Variants in CCDC117 observed in about 807,000 individuals in gnomAD.
CCDC117 encodes the protein coiled-coil domain-containing protein 117.
In CCDC117, 1 loss-of-function variant was observed where a neutral mutation model predicts 23.5. The observed-to-expected ratio is 0.04, with a 90% CI of 0.02 to 0.20. The LOEUF is 0.20. Among genes scored for constraint, CCDC117 ranks in the 10% least tolerant of loss-of-function variants. CCDC117 has a pLI of 1.00. For missense variants in CCDC117, 383 were observed against 348.2 expected (o/e 1.10, Z -0.80); for synonymous variants, 132 against 124.8 (o/e 1.06, Z -0.39).
chr22:28,773,514 AT>A (rs1443569279), intron 1 of CCDC117: 1 of 589,138 alleles, frequency 1.7e-6, no homozygotes, highest in Non-Finnish European at 3.1e-6. Flanking sequence ...CATTACGTTG[AT>A]AAAAGGACAA....
rs1222 is a variant in CCDC117, at chr22:28,789,125, A to C, written c.*2799A>C. ...TGGAACCATAAGAAGAATGTTTATC[A>C]GCACGTTCATTTATTATTTTGGATT... On this transcript the variant is annotated 3_prime_UTR_variant, in exon 5 of 5. Coordinates refer to ENST00000249064, the MANE Select transcript of CCDC117 (RefSeq NM_173510.4). The C allele has an allele frequency of 0.12, 18,158 of 152,274 alleles. 1,191 individuals carry two copies. The highest frequency in any genetic ancestry group is 0.28 in the South Asian group (1,342 of 4,818). 9.4% of individuals were successfully genotyped at this position (152,274 alleles called of 1,614,324 possible).
chr22:28,782,627 TG>T (rs1324457626), intron 3 of CCDC117, among the ~76,000 whole-genome samples: 1 of 151,988 alleles, frequency 6.6e-6, no homozygotes, highest in Non-Finnish European at 1.5e-5. Flanking sequence ...TTAGTAAAGA[TG>T]GGGTTTCACC....
At chr22:28,778,100 C>G (rs1437114964) in intron 2 of CCDC117, among the ~76,000 whole-genome samples, 1 of 151,994 alleles carries the variant, frequency 6.6e-6, no homozygotes, top group Non-Finnish European at 1.5e-5. Flanking sequence ...CCGCCTCGGC[C>G]TCCCAAAGTG....
chr22:28,772,751 C>CG lies in CCDC117; in HGVS notation c.-98dup. The stretch of plus-strand genomic sequence containing the variant: ...GTGACGTGGGGTCGAGAGCGGGATC[C>CG]GAGGCTGGCGGGTTTTGGCAGTAGC... On this transcript the variant is annotated 5_prime_UTR_variant, in exon 1 of 5. Transcript: ENST00000249064. 1.0e-6 allele frequency: 1 copy of CG among 982,346 alleles called. No individual in the cohort carries two copies. The highest frequency in any genetic ancestry group is 1.7e-5 in the African/African-American group (1 of 58,892). 60.9% of individuals were successfully genotyped at this position (982,346 alleles called of 1,614,324 possible).
intron 2 of CCDC117, among the ~76,000 whole-genome samples, chr22:28,778,288 C>A (rs2031226786): frequency 6.6e-6 from 1 of 151,896 alleles, no homozygotes; most frequent in African/African-American, 2.4e-5. Flanking sequence ...ATTCATAAAA[C>A]ATTAAATTTG....
chr22:28,780,361 A>G (rs138788496), intron 2 of CCDC117, among the ~76,000 whole-genome samples: 20 of 152,274 alleles, frequency 1.3e-4, no homozygotes, highest in Middle Eastern at 3.4e-3. Context: ...ACCTCATGAG[A>G]CATGTTTTTG....
At chr22:28,784,255 A>G (rs1273459686) in intron 4 of CCDC117, among the ~76,000 whole-genome samples, 1 of 152,202 alleles carries the variant, frequency 6.6e-6, no homozygotes, top group Non-Finnish European at 1.5e-5. Context: ...CTGTGACTAC[A>G]CTGTGAGGAC....
At chr22:28,784,771 T>G (rs375348942) in intron 4 of CCDC117, among the ~76,000 whole-genome samples, 59 of 152,044 alleles carry the variant, frequency 3.9e-4, no homozygotes, top group Non-Finnish European at 2.9e-4. Flanking sequence ...TCTCGTTTTT[T>G]TTGTTGTTGT....
At position 28,788,176 on chromosome 22, in the gene CCDC117, G is replaced by A. The variant is rs551079454; in HGVS notation, c.*1850G>A. 3 of 152,732 alleles carry A rather than the reference G, an allele frequency of 2.0e-5. No homozygotes were observed. The highest frequency in any genetic ancestry group is 4.1e-4 in the South Asian group (2 of 4,824). The allele number at this position is 152,732 out of a possible 1,614,324, so 9.5% of individuals were successfully genotyped here. A position where few individuals can be genotyped will look rare whatever the true frequency, so the allele number is the denominator to read the frequency against. ...TAATAGTTTCTTAATCTCAGATTTC[G>A]AGATGAATGTAAACTGTATTCTTTT... On this transcript the variant is annotated 3_prime_UTR_variant, in exon 5 of 5. Coordinates refer to ENST00000249064, the MANE Select transcript of CCDC117 (RefSeq NM_173510.4).
intron 4 of CCDC117, among the ~76,000 whole-genome samples, chr22:28,785,179 T>TGTTTG (rs72153005): frequency 6.6e-6 from 1 of 151,504 alleles, no homozygotes; most frequent in East Asian, 1.9e-4. Context: ...CCATGAAGCT[T>TGTTTG]GTTTTGTTTT....
chr22:28,786,063 A>T, intron 4 of CCDC117, 26 bp from the exon 5 acceptor site: 1 of 1,547,788 alleles, frequency 6.5e-7, no homozygotes, highest in Non-Finnish European at 8.7e-7. Flanking sequence ...AAATTTTTTG[A>T]TAAAAGTCTG....
At chr22:28,783,404 A>C in intron 3 of CCDC117, 104 bp from the exon 4 acceptor site, 6 of 1,118,944 alleles carry the variant, frequency 5.4e-6, no homozygotes, top group Non-Finnish European at 7.6e-6. Flanking sequence ...TGTATTACTT[A>C]CTGCTTTTAT....
chr22:28,777,939 T>G lies in CCDC117; in HGVS notation c.240-3009T>G, dbSNP rs1007896046. 1.4e-4 allele frequency among the ~76,000 whole-genome samples: 21 copies of G among 151,886 alleles called. No homozygotes were observed. The East Asian group carries it at 4.1e-3, about 29-fold the overall frequency. ...GATCAGGGTTCACTGCAACCTCTGC[T>G]TCCTGGGTTCAAGCAATTCTCTCAG... On this transcript the variant is annotated intron_variant, in intron 2 of 4. Coordinates refer to ENST00000249064, the MANE Select transcript of CCDC117 (RefSeq NM_173510.4).
At chr22:28,779,163 A>G (rs1569198138) in intron 2 of CCDC117, among the ~76,000 whole-genome samples, 1 of 151,804 alleles carries the variant, frequency 6.6e-6, no homozygotes, top group Non-Finnish European at 1.5e-5. Flanking sequence ...TTGTAAGTAT[A>G]ACTATTTTCT....
chr22:28,778,092 G>A (rs1376716983), intron 2 of CCDC117, among the ~76,000 whole-genome samples: 3 of 151,784 alleles, frequency 2.0e-5, no homozygotes, highest in Non-Finnish European at 2.9e-5. Flanking sequence ...TGATCCGCCC[G>A]CCTCGGCCTC....
chr22:28,773,096 C>T (rs2031044036), intron 1 of CCDC117, 62 bp downstream of exon 1: 10 of 889,754 alleles, frequency 1.1e-5, no homozygotes, highest in Middle Eastern at 5.3e-4. Flanking sequence ...CTGGGCGCCC[C>T]TCGCGGCGGG....
intron 4 of CCDC117, among the ~76,000 whole-genome samples, chr22:28,784,395 A>G (rs943273831): frequency 3.3e-5 from 5 of 152,252 alleles, no homozygotes; most frequent in South Asian, 2.1e-4. Context: ...GTCATTATTC[A>G]CTATGTAAAA....
At chr22:28,785,941 A>AT in intron 4 of CCDC117, 148 bp from the exon 5 acceptor site, 2 of 594,608 alleles carry the variant, frequency 3.4e-6, no homozygotes, top group Non-Finnish European at 5.8e-6. Context: ...AAAAAAAAAA[A>AT]GAAAGTAAAG....
chr22:28,778,087 C>T (rs926266994), intron 2 of CCDC117, among the ~76,000 whole-genome samples: 9 of 151,926 alleles, frequency 5.9e-5, no homozygotes, highest in Non-Finnish European at 1.0e-4. Context: ...CCTTGTGATC[C>T]GCCCGCCTCG....
Sources: allele counts gnomAD v4.1 joint callset (sites outside exome capture counted in the v4.1 genomes callset), GRCh38; gene constraint gnomAD v4.1.1; transcripts MANE v1.5; gene names NCBI Gene and HGNC (gene_info 2026-07-23, HGNC 2026-07-21).